Variants in ZNF133 observed in about 807,000 individuals in gnomAD.
ZNF133 encodes zinc finger protein 133, also known as zinc finger protein 133 (clone pHZ-13).
ZNF133 carries 26 observed loss-of-function variants against 54.9 expected under a neutral mutation model. The ratio of observed to expected loss-of-function variants is 0.47; its 90% CI spans 0.35 to 0.66. The LOEUF is 0.66. ZNF133 is among the 30% of genes least tolerant of loss of function. The pLI, the probability that ZNF133 is intolerant of heterozygous loss-of-function variation, is 0.01. For missense variants in ZNF133, 653 were observed against 820.8 expected (o/e 0.80, Z 2.50); for synonymous variants, 298 against 320.3 (o/e 0.93, Z 0.74).
At chr20:18,295,669 AT>A (rs1220306236) in intron 1 of ZNF133, among the ~76,000 whole-genome samples, 1 of 151,754 alleles carries the variant, frequency 6.6e-6, no homozygotes, top group African/African-American at 2.4e-5. Context: ...TAATTTATTT[AT>A]TTTTTGAGGC....
At chr20:18,311,706 A>G (rs1377677768) in intron 6 of ZNF133, among the ~76,000 whole-genome samples, 3 of 152,214 alleles carry the variant, frequency 2.0e-5, no homozygotes, top group Admixed American at 6.5e-5. Context: ...ATTTATTCTT[A>G]TAATGATTTC....
At chr20:18,308,109 T>C (rs1600508794) in intron 6 of ZNF133, among the ~76,000 whole-genome samples, 1 of 152,138 alleles carries the variant, frequency 6.6e-6, no homozygotes, top group Non-Finnish European at 1.5e-5. Flanking sequence ...TTGGGGAGGG[T>C]TGGACAAGGG....
At position 18,315,719 on chromosome 20, in the gene ZNF133, C is replaced by A. The variant is rs549342266; in HGVS notation, c.868C>A (p.Arg290=). 6.2e-7 allele frequency: 1 copy of A among 1,613,670 alleles called. No individual in the cohort carries two copies. The highest frequency in any genetic ancestry group is 8.5e-7 in the Non-Finnish European group (1 of 1,179,804). Residue 290 remains arginine, a synonymous_variant, in exon 7 of 7, where the codon CGG becomes AGG. Transcript: ENST00000425686. Reference sequence around the variant, plus strand: ...GAAGTCAACGCTAATCATACACGAACGGACACACTCCGGTGAGAAACCTTA... The same window carrying A: ...GAAGTCAACGCTAATCATACACGAAAGGACACACTCCGGTGAGAAACCTTA... The part of the protein sequence containing the change: ...NRKSTLIIHE[R]THSGEKPYMC...
At chr20:18,314,154 A>T (rs1007275867) in intron 6 of ZNF133, 1 of 152,182 alleles carries the variant, frequency 6.6e-6, no homozygotes, top group Non-Finnish European at 1.5e-5. Flanking sequence ...TGGAATGTGG[A>T]TGTGTACACT....
Position 18,315,103 on chromosome 20 carries a change from C to T in ZNF133, c.252C>T (p.Phe84=). The T allele has an allele frequency of 6.4e-7, 1 of 1,556,936 alleles. No homozygotes were observed. The highest frequency in any genetic ancestry group is 8.7e-7 in the Non-Finnish European group (1 of 1,151,786). Residue 84 remains phenylalanine (F), a synonymous_variant, in exon 7 of 7, where the codon TTC becomes TTT. Transcript: ENST00000425686. ...AGCCAGAGCTCTACCTCGATCCTTT[C>T]TGCCCTCCGGGTTTCTCCAGTCAGA... ...DPEPELYLDP[F]CPPGFSSQKF... is the part of the protein sequence containing the mutation.
intron 3 of ZNF133, among the ~76,000 whole-genome samples, chr20:18,301,036 G>A (rs1001389695): frequency 6.6e-6 from 1 of 152,066 alleles, no homozygotes; most frequent in South Asian, 2.1e-4. Flanking sequence ...CATTTTGCAG[G>A]ATAGACTAAA....
intron 6 of ZNF133, among the ~76,000 whole-genome samples, chr20:18,307,637 A>G (rs1314525235): frequency 1.3e-5 from 2 of 152,186 alleles, no homozygotes; most frequent in Non-Finnish European, 2.9e-5. Context: ...AGGCACATGT[A>G]TATTAGTCCT....
At chr20:18,296,159 CCT>C (rs2042193100) in intron 1 of ZNF133, among the ~76,000 whole-genome samples, 1 of 152,094 alleles carries the variant, frequency 6.6e-6, no homozygotes, top group African/African-American at 2.4e-5. Flanking sequence ...ATGTTTTCCT[CCT>C]CTTTCTTCTC....
rs141021635 is a variant in ZNF133 at position 18,315,700 on chromosome 20, A to T, written c.849A>T (p.Ser283=). ...GTGGACGAGGCTTTAACCGGAAGTCAACGCTAATCATACACGAACGGACAC... is the reference window on the plus strand; with the variant it reads ...GTGGACGAGGCTTTAACCGGAAGTCTACGCTAATCATACACGAACGGACAC... The part of the protein sequence containing the change: ...RECGRGFNRK[S]TLIIHERTHS... Residue 283 remains serine (S), a synonymous_variant, in exon 7 of 7, where the codon TCA becomes TCT. Coordinates refer to ENST00000425686, the MANE Select transcript of ZNF133 (RefSeq NM_001352452.2). 33 of 1,613,744 alleles carry T rather than the reference A, an allele frequency of 2.0e-5. No individual in the cohort carries two copies. In the African/African-American group the frequency reaches 4.4e-4, roughly 22 times the overall value.
Position 18,305,657 on chromosome 20 carries a change from G to A in ZNF133, c.-6-24G>A. 6.2e-7 allele frequency: 1 copy of A among 1,614,050 alleles called. No individual in the cohort carries two copies. The highest frequency in any genetic ancestry group is 8.5e-7 in the Non-Finnish European group (1 of 1,179,986). ...ATGGGCAAGGCTGGCTTCTGAGTGA[G>A]CAGGGCTCAGTTTTGTGTTACAGGC... On this transcript the variant is annotated intron_variant, in intron 4 of 6. Transcript: ENST00000425686. The surrounding 1 kb of genome is among the most constrained non-coding windows in gnomAD (Gnocchi z 4.7).
intron 1 of ZNF133, among the ~76,000 whole-genome samples, chr20:18,295,773 C>A (rs1237262985): frequency 6.6e-6 from 1 of 152,202 alleles, no homozygotes; most frequent in Non-Finnish European, 1.5e-5. Context: ...GCTCCCTCCT[C>A]AGCCTCCTGA....
chr20:18,305,520 G>T lies in ZNF133; in HGVS notation c.-6-161G>T. The T allele has an allele frequency of 9.6e-7, 1 of 1,043,288 alleles. No homozygotes were observed. Among genetic ancestry groups the T allele is most frequent in the Non-Finnish European group, 1.4e-6 (1 of 728,490 alleles). 64.6% of individuals were successfully genotyped at this position (1,043,288 alleles called of 1,614,324 possible). On this transcript the variant is annotated intron_variant, in intron 4 of 6. Transcript: ENST00000425686. The surrounding 1 kb of genome is among the most constrained non-coding windows in gnomAD (Gnocchi z 4.7). ...TATGGGTTCACAAATGCCACTGGCTGGATTGAGACAGGGATTTAAAAGTCT... is the reference window on the plus strand; with the variant it reads ...TATGGGTTCACAAATGCCACTGGCTTGATTGAGACAGGGATTTAAAAGTCT...
intron 6 of ZNF133, among the ~76,000 whole-genome samples, chr20:18,308,067 C>CATT (rs1413260404): frequency 6.6e-6 from 1 of 151,972 alleles, no homozygotes; most frequent in Non-Finnish European, 1.5e-5. Flanking sequence ...TGTTATTTAC[C>CATT]ATTACTAGTG....
chr20:18,310,526 CAG>C (rs2045655900), intron 6 of ZNF133, among the ~76,000 whole-genome samples: 1 of 152,102 alleles, frequency 6.6e-6, no homozygotes, highest in Non-Finnish European at 1.5e-5. Flanking sequence ...GAGCCAGTCA[CAG>C]AAAGACAAAT....
chr20:18,304,601 G>A (rs748872828), intron 3 of ZNF133, among the ~76,000 whole-genome samples: 5 of 152,152 alleles, frequency 3.3e-5, no homozygotes, highest in African/African-American at 4.8e-5. Context: ...GCTAAATCTC[G>A]AAGACATGCT....
intron 6 of ZNF133, 132 bp downstream of exon 6, chr20:18,306,525 T>C: frequency 2.1e-6 from 2 of 966,514 alleles, no homozygotes; most frequent in South Asian, 1.7e-5. Flanking sequence ...TTAGATTGCC[T>C]GACACGGCCT....
chr20:18,316,207 C>T lies in ZNF133; in HGVS notation c.1356C>T (p.His452=), dbSNP rs1568816167. The change falls in exon 7 of 7, where the codon CAC becomes CAT. Residue 452 remains histidine (H), a synonymous_variant. Transcript: ENST00000425686. The stretch of plus-strand genomic sequence containing the variant: ...GGCGAGGCTTTAGTCTCAAGTCACA[C>T]CTCAACAGACACCAGAACATACACT... ...VCGRGFSLKS[H]LNRHQNIHSG... 1 of 1,607,254 alleles carries T rather than the reference C, an allele frequency of 6.2e-7. No individual in the cohort carries two copies. Among genetic ancestry groups the T allele is most frequent in the African/African-American group, 1.3e-5 (1 of 74,644 alleles).
intron 6 of ZNF133, chr20:18,306,638 C>A: frequency 8.5e-7 from 1 of 1,176,058 alleles, no homozygotes; most frequent in Non-Finnish European, 1.2e-6. Context: ...TGGGTTTCTC[C>A]TCTCTAGCTC....
chr20:18,292,148 T>C (rs1219021904), intron 1 of ZNF133, among the ~76,000 whole-genome samples: 1 of 152,200 alleles, frequency 6.6e-6, no homozygotes, highest in African/African-American at 2.4e-5. Flanking sequence ...CACCGTCTCA[T>C]CTGGACGATC....
Sources: gnomAD v4.1 joint callset for allele counts (sites outside exome capture counted in the v4.1 genomes callset) on GRCh38, gnomAD v4.1.1 for gene constraint, Gnocchi (gnomAD v3.1) non-coding constraint, MANE v1.5 for transcripts, NCBI Gene and HGNC (gene_info 2026-07-23, HGNC 2026-07-21) for gene names.